STPG1: variants seen among roughly 807,000 people sequenced by gnomAD.
STPG1 encodes the protein sperm tail PG-rich repeat containing 1.
In STPG1, 33 loss-of-function variants were observed where a neutral mutation model predicts 40.1. The ratio of observed to expected loss-of-function variants is 0.82; its 90% CI spans 0.62 to 1.10. The LOEUF (loss-of-function observed/expected upper bound fraction) is 1.10, where lower values mean the gene tolerates loss of function less well. Among genes scored for constraint, STPG1 ranks in the 50% least tolerant of loss-of-function variants. The probability of loss-of-function intolerance (pLI) is 0.00; values close to 1 mark genes in which losing one functional copy is unlikely to be tolerated. For synonymous variants in STPG1, 150 were observed against 155.0 expected, an observed-to-expected ratio of 0.97 and a Z score of 0.24; for missense variants, 396 against 415.1, an observed-to-expected ratio of 0.95 and a Z score of 0.40.
intron 5 of STPG1, among the ~76,000 whole-genome samples, chr1:24,377,685 T>A (rs565745497): frequency 9.8e-5 from 15 of 152,320 alleles, no homozygotes; most frequent in African/African-American, 3.6e-4. Flanking sequence ...TGTTCTTTTC[T>A]GAATTCCCCA....
intron 1 of STPG1, among the ~76,000 whole-genome samples, chr1:24,410,326 C>T (rs1006565340): frequency 6.6e-6 from 1 of 152,108 alleles, no homozygotes. Flanking sequence ...ATCTGCAATC[C>T]ATGGCCGAGC....
intron 2 of STPG1, among the ~76,000 whole-genome samples, chr1:24,393,108 T>A (rs116117262): frequency 0.012 from 1,799 of 152,288 alleles, 40 homozygotes; most frequent in African/African-American, 0.041. Context: ...ACCCAGCACT[T>A]AAGCGGAACA....
Position 24,383,995 on chromosome 1 carries a change from G to A in STPG1, c.198C>T (p.Ile66=). The part of the protein sequence containing the change: ...AKRFPHKKND[I]PGPGFYNVIH... ...TAACATTGTAGAACCCAGGTCCTGG[G>A]ATATCATTCTGAAAGGGAAGAGAAG... The change falls in exon 4 of 9, where the codon ATC becomes ATT. Residue 66 remains isoleucine, a synonymous_variant. Coordinates refer to ENST00000337248, the MANE Select transcript of STPG1 (RefSeq NM_001199013.2). The A allele has an allele frequency of 6.2e-7, 1 of 1,609,066 alleles. No homozygotes were observed. The highest frequency in any genetic ancestry group is 8.5e-7 in the Non-Finnish European group (1 of 1,175,366).
intron 1 of STPG1, among the ~76,000 whole-genome samples, chr1:24,409,436 C>T (rs1472947272): frequency 1.3e-5 from 2 of 152,140 alleles, no homozygotes; most frequent in East Asian, 3.8e-4. Context: ...CATCTACTGC[C>T]CTAGCTTTAA....
intron 7 of STPG1, chr1:24,364,532 T>C (rs1641329405): frequency 4.0e-6 from 5 of 1,259,554 alleles, no homozygotes; most frequent in Non-Finnish European, 5.1e-6. Flanking sequence ...AGGGAAGGTA[T>C]TGTGTCTTCC....
chr1:24,360,637 C>T lies in STPG1; in HGVS notation c.928+214G>A, dbSNP rs546570350. Among the ~76,000 whole-genome samples the T allele has an allele frequency of 1.7e-4, 26 of 152,320 alleles. 2 individuals are homozygous for T. The South Asian group carries it at 5.4e-3, about 32-fold the overall frequency. On this transcript the variant is annotated intron_variant, in intron 8 of 8. Coordinates refer to ENST00000337248, the MANE Select transcript of STPG1 (RefSeq NM_001199013.2). ...GATGTTCATGGTCCTCAGTATGAAT[C>T]CCTGGCCTGGACCATCTCTAAGAGC...
Position 24,401,250 on chromosome 1 carries a change from A to C in STPG1, c.70+69T>G, listed in dbSNP as rs193007753. On this transcript the variant is annotated intron_variant, in intron 2 of 8. Coordinates refer to ENST00000337248, the MANE Select transcript of STPG1 (RefSeq NM_001199013.2). ...TAACCCAGGACTTACTATTCCCCCC[A>C]AATTTGCTCTTATGTACTAAAATAA... 234 of 1,422,504 alleles carry C rather than the reference A, an allele frequency of 1.6e-4. No individual in the cohort carries two copies. In the Admixed American group the frequency reaches 3.9e-3, roughly 23 times the overall value. The allele number at this position is 1,422,504 out of a possible 1,614,324, so 88.1% of individuals were successfully genotyped here.
intron 2 of STPG1, among the ~76,000 whole-genome samples, chr1:24,393,443 T>C (rs1017116258): frequency 1.3e-5 from 2 of 152,234 alleles, no homozygotes; most frequent in African/African-American, 4.8e-5. Flanking sequence ...GCTGCAAGAC[T>C]TCCTGGCTTT....
intron 5 of STPG1, among the ~76,000 whole-genome samples, chr1:24,375,498 A>C (rs973102172): frequency 1.3e-5 from 2 of 152,228 alleles, no homozygotes; most frequent in African/African-American, 4.8e-5. Context: ...AGAGAGGGCA[A>C]ACAAAGAGAC....
intron 6 of STPG1, among the ~76,000 whole-genome samples, chr1:24,371,327 C>T (rs976091869): frequency 6.6e-6 from 1 of 152,104 alleles, no homozygotes; most frequent in African/African-American, 2.4e-5. Flanking sequence ...GTGGCTCACA[C>T]CTATAATCCC....
intron 3 of STPG1, among the ~76,000 whole-genome samples, chr1:24,385,557 C>A (rs541141012): frequency 3.0e-4 from 45 of 152,304 alleles, no homozygotes; most frequent in African/African-American, 1.0e-3. Context: ...CATTTTGTGC[C>A]ATGCACTGTT....
chr1:24,392,881 AAAG>A (rs1642841200), intron 2 of STPG1, among the ~76,000 whole-genome samples: 1 of 152,056 alleles, frequency 6.6e-6, no homozygotes, highest in Non-Finnish European at 1.5e-5. Flanking sequence ...CAAGAGAAGG[AAAG>A]AAGAAAGTAT....
chr1:24,387,165 C>T (rs519782), intron 3 of STPG1, among the ~76,000 whole-genome samples: 1 of 152,066 alleles, frequency 6.6e-6, no homozygotes, highest in East Asian at 1.9e-4. Context: ...TGCAATTTAG[C>T]GGACACTGAT....
intron 7 of STPG1, among the ~76,000 whole-genome samples, chr1:24,368,289 G>A (rs942152039): frequency 6.6e-6 from 1 of 152,210 alleles, no homozygotes; most frequent in Non-Finnish European, 1.5e-5. Context: ...CCTTGCCCTA[G>A]GCTGATGATC....
At chr1:24,403,264 CTGTG>C (rs1473899189) in intron 1 of STPG1, among the ~76,000 whole-genome samples, 1 of 152,174 alleles carries the variant, frequency 6.6e-6, no homozygotes, top group Non-Finnish European at 1.5e-5. Flanking sequence ...CAAAAATCTA[CTGTG>C]TGTATGTGTT....
At chr1:24,376,305 G>A (rs1212030855) in intron 5 of STPG1, among the ~76,000 whole-genome samples, 5 of 152,228 alleles carry the variant, frequency 3.3e-5, no homozygotes, top group Admixed American at 1.3e-4. Flanking sequence ...ACAGGCGTGA[G>A]CCACTGTGCC....
At chr1:24,393,476 T>C (rs1484009722) in intron 2 of STPG1, among the ~76,000 whole-genome samples, 3 of 152,126 alleles carry the variant, frequency 2.0e-5, no homozygotes, top group Admixed American at 6.5e-5. Flanking sequence ...CCTAAGCCTA[T>C]AGAACAGCTA....
rs376811969 is a variant in STPG1 at position 24,373,778 on chromosome 1, G to A, written c.495C>T (p.Asn165=). The A allele has an allele frequency of 1.9e-5, 31 of 1,610,260 alleles. No homozygotes were observed. Among genetic ancestry groups the A allele is most frequent in the Middle Eastern group, 3.3e-4 (2 of 6,072 alleles). Residue 165 remains asparagine (N), a synonymous_variant, in exon 6 of 9, where the codon AAC becomes AAT. Transcript: ENST00000337248. ...ASVSCCKQRN[N]VCTRAGFMSK... ...ACATAAACCCGGCTCGAGTACAGACGTTGTTTCTCTGCTTGCAGCAAGAGA... is the reference window on the plus strand; with the variant it reads ...ACATAAACCCGGCTCGAGTACAGACATTGTTTCTCTGCTTGCAGCAAGAGA...
At position 24,401,337 on chromosome 1, in the gene STPG1, C is replaced by T; in HGVS notation, c.52G>A (p.Ala18Thr). Residue 18 changes from alanine to threonine, a missense_variant, in exon 2 of 9, where the codon GCC becomes ACC. Transcript: ENST00000337248. ...CATGTACCTTTCTGTACTTCACTGG[C>T]ACGTCTGGGATGTTTGCCAGTGCGT... ...NERTGKHPRR[A>T]SEVQKGFTAA... 1 of 1,614,108 alleles carries T rather than the reference C, an allele frequency of 6.2e-7. No individual in the cohort carries two copies. The highest frequency in any genetic ancestry group is 2.2e-5 in the East Asian group (1 of 44,886).
Sources: gnomAD v4.1 joint callset for allele counts (sites outside exome capture counted in the v4.1 genomes callset) on GRCh38, gnomAD v4.1.1 for gene constraint, MANE v1.5 for transcripts, NCBI Gene and HGNC (gene_info 2026-07-23, HGNC 2026-07-21) for gene names.